Variants in KLHL21 observed in about 807,000 individuals in gnomAD.
KLHL21 encodes the protein kelch like family member 21.
Under a neutral mutation model 44.1 loss-of-function variants are expected in KLHL21, and 42 were observed. The ratio of observed to expected loss-of-function variants is 0.95; its 90% CI spans 0.74 to 1.23. The LOEUF (loss-of-function observed/expected upper bound fraction) is 1.23. KLHL21 is among the 50% of genes most tolerant of loss of function. KLHL21 has a pLI of 0.00. For synonymous variants in KLHL21, 524 were observed against 411.6 expected (o/e 1.27, Z -3.31); for missense variants, 918 against 889.1 (o/e 1.03, Z -0.41).
In KLHL21 at chr1:6,602,337, T is replaced by C. The variant is rs1473901054; in HGVS notation, c.481A>G (p.Ile161Val). The change falls in exon 1 of 4, where the codon ATT (isoleucine) becomes GTT (valine). Residue 161 changes from isoleucine to valine, a missense_variant. By Grantham distance (29) the Ile-to-Val change is conservative. Coordinates refer to ENST00000377658, the MANE Select transcript of KLHL21 (RefSeq NM_014851.4). ...SGLASAAQRF[I>V]LRHVGELGAE... ...CCCAGCTCGCCCACGTGGCGCAGAATGAACCGCTGCGCCGCGCTCGCCAGT... is the reference window on the plus strand; with the variant it reads ...CCCAGCTCGCCCACGTGGCGCAGAACGAACCGCTGCGCCGCGCTCGCCAGT... 5.1e-6 allele frequency: 8 copies of C among 1,558,282 alleles called. No homozygotes were observed. The highest frequency in any genetic ancestry group is 6.9e-6 in the Non-Finnish European group (8 of 1,157,692).
chr1:6,599,141 T>C lies in KLHL21; in HGVS notation c.1333A>G (p.Thr445Ala). 1 of 1,613,916 alleles carries C rather than the reference T, an allele frequency of 6.2e-7. No individual in the cohort carries two copies. Among genetic ancestry groups the C allele is most frequent in the Non-Finnish European group, 8.5e-7 (1 of 1,179,988 alleles). The change falls in exon 2 of 4, where the codon ACC becomes GCC. Residue 445 changes from threonine to alanine, a missense_variant. Coordinates refer to ENST00000377658, the MANE Select transcript of KLHL21 (RefSeq NM_014851.4). ...TMVMQCYDPD[T>A]DLWSLVDCGQ... ...CAGTCCACCAGCGACCACAGGTCGGTGTCCGGGTCGTAGCACTGCATCACC... is the reference window on the plus strand; with the variant it reads ...CAGTCCACCAGCGACCACAGGTCGGCGTCCGGGTCGTAGCACTGCATCACC...
chr1:6,598,658 C>G (rs1008477971), intron 2 of KLHL21, among the ~76,000 whole-genome samples: 7 of 151,894 alleles, frequency 4.6e-5, no homozygotes, highest in Admixed American at 3.3e-4. Context: ...CAAGGCGGAC[C>G]GATCATGAGG....
Position 6,602,793 on chromosome 1 carries a change from C to G in KLHL21, c.25G>C (p.Val9Leu), listed in dbSNP as rs1286555669. 6.8e-7 allele frequency: 1 copy of G among 1,466,976 alleles called. No individual in the cohort carries two copies. Among genetic ancestry groups the G allele is most frequent in the Non-Finnish European group, 8.9e-7 (1 of 1,119,418 alleles). 90.9% of individuals were successfully genotyped at this position (1,466,976 alleles called of 1,614,324 possible). A position where few individuals can be genotyped will look rare whatever the true frequency, so the allele number is the denominator to read the frequency against. Residue 9 changes from valine to leucine, a missense_variant, in exon 1 of 4, where the codon GTG becomes CTG. By Grantham distance (32) the Val-to-Leu change is conservative. Coordinates refer to ENST00000377658, the MANE Select transcript of KLHL21 (RefSeq NM_014851.4). MERPAPLA[V>L]LPFSDPAHAL... ...TGCGCGGGGTCCGAGAAGGGAAGCA[C>G]GGCCAGGGGCGCCGGTCGCTCCATG...
At position 6,593,924 on chromosome 1, in the gene KLHL21, G is replaced by C. The variant is rs571477551; in HGVS notation, c.1501-266C>G. The C allele has an allele frequency of 5.5e-6, 7 of 1,262,690 alleles. No homozygotes were observed. In the East Asian group the frequency reaches 1.8e-4, roughly 33 times the overall value. 78.2% of individuals were successfully genotyped at this position (1,262,690 alleles called of 1,614,324 possible). ...CCCCGTGTGCAGGTCGTGCCGAGCA[G>C]CGCTTCCTACGTTCTCTCTCAGAAT... is the stretch of plus-strand genomic sequence containing the variant. On this transcript the variant is annotated intron_variant, in intron 3 of 3. Transcript: ENST00000377658.
intron 1 of KLHL21, among the ~76,000 whole-genome samples, chr1:6,601,060 C>T (rs1393177057): frequency 6.6e-6 from 1 of 152,188 alleles, no homozygotes; most frequent in Non-Finnish European, 1.5e-5. Context: ...GGGTTCTTTC[C>T]TTATATAGCA....
intron 3 of KLHL21, chr1:6,594,212 AAC>A (rs1204242061): frequency 1.3e-5 from 5 of 371,718 alleles, no homozygotes; most frequent in African/African-American, 8.8e-5. Context: ...TGGAAATGTT[AAC>A]AGACACACAG....
At chr1:6,595,416 A>G (rs1640910174) in intron 3 of KLHL21, 69 bp downstream of exon 3, 1 of 1,414,662 alleles carries the variant, frequency 7.1e-7, no homozygotes, top group Non-Finnish European at 1.0e-6. Flanking sequence ...AACACTCATC[A>G]CGATGACACT....
Position 6,602,200 on chromosome 1 carries a change from G to A in KLHL21, c.618C>T (p.Val206=). 2.0e-6 allele frequency: 3 copies of A among 1,507,958 alleles called. No individual in the cohort carries two copies. Among genetic ancestry groups the A allele is most frequent in the Non-Finnish European group, 2.6e-6 (3 of 1,135,702 alleles). The allele number at this position is 1,507,958 out of a possible 1,614,324, so 93.4% of individuals were successfully genotyped here. A position where few individuals can be genotyped will look rare whatever the true frequency, so the allele number is the denominator to read the frequency against. The change falls in exon 1 of 4, where the codon GTC becomes GTT. Residue 206 remains valine, a synonymous_variant. Coordinates refer to ENST00000377658, the MANE Select transcript of KLHL21 (RefSeq NM_014851.4). ...CGGCGCGGCGCGGCGGGTCAGCGCG[G>A]ACCCAGCGCAGCGCCAGCTGGTAGG... ...EAAYQLALRW[V]RADPPRRAAH...
At chr1:6,593,832 C>T (rs1203847368) in intron 3 of KLHL21, 174 bp from the exon 4 acceptor site, 16 of 1,364,320 alleles carry the variant, frequency 1.2e-5, no homozygotes, top group East Asian at 7.8e-5. Context: ...CCTAGGAGAA[C>T]GGGCCTCCCC....
intron 2 of KLHL21, among the ~76,000 whole-genome samples, chr1:6,598,513 T>A (rs556705242): frequency 7.9e-5 from 12 of 150,992 alleles, no homozygotes; most frequent in Non-Finnish European, 1.6e-4. Flanking sequence ...GAGGTTGCAG[T>A]GAGCCAAGAT....
intron 2 of KLHL21, among the ~76,000 whole-genome samples, chr1:6,596,737 C>T (rs1640932867): frequency 6.6e-6 from 1 of 152,216 alleles, no homozygotes; most frequent in Non-Finnish European, 1.5e-5. Context: ...CCAGCAGAGA[C>T]TTGCAAACCA....
chr1:6,600,974 C>T (rs1280057200), intron 1 of KLHL21, among the ~76,000 whole-genome samples: 1 of 152,216 alleles, frequency 6.6e-6, no homozygotes. Context: ...CGCGAACATG[C>T]AAGGCTGGGC....
At position 6,593,402 on chromosome 1, in the gene KLHL21, C is replaced by A; in HGVS notation, c.1757G>T (p.Arg586Leu). ...DSGSDDMDPG[R>L]PRPPRDPDEL... Reference sequence around the variant, plus strand: ...ATCGGGGTCCCGCGGCGGCCGGGGTCGGCCTGGGTCCATGTCATCGCTGCC... The same window carrying A: ...ATCGGGGTCCCGCGGCGGCCGGGGTAGGCCTGGGTCCATGTCATCGCTGCC... Residue 586 changes from arginine (R) to leucine (L), a missense_variant, in exon 4 of 4, where the codon CGA (arginine) becomes CTA (leucine). By Grantham distance (102) the Arg-to-Leu change is moderately radical (BLOSUM62 -2). Transcript: ENST00000377658. 6.2e-7 allele frequency: 1 copy of A among 1,606,552 alleles called. No individual in the cohort carries two copies.
At position 6,602,632 on chromosome 1, in the gene KLHL21, G is replaced by T; in HGVS notation, c.186C>A (p.Arg62=). The T allele has an allele frequency of 6.6e-7, 1 of 1,518,476 alleles. No individual in the cohort carries two copies. The allele number at this position is 1,518,476 out of a possible 1,614,324, so 94.1% of individuals were successfully genotyped here. The change falls in exon 1 of 4, where the codon CGC becomes CGA. Residue 62 remains arginine (R), a synonymous_variant. Transcript: ENST00000377658. ...AVLAAASPYF[R]AMFAGQLRES... ...CGCGCAGCTGCCCCGCGAACATGGC[G>T]CGGAAGTAGGGGCTGGCGGCGGCCA... is the stretch of plus-strand genomic sequence containing the variant.
intron 3 of KLHL21, 52 bp from the exon 4 acceptor site, chr1:6,593,710 G>C (rs1170107746): frequency 6.6e-7 from 1 of 1,503,934 alleles, no homozygotes; most frequent in Non-Finnish European, 8.9e-7. Flanking sequence ...GGTAGGGCAG[G>C]GCCCCACCTG....
Position 6,592,567 on chromosome 1 carries a change from TG to T in KLHL21, c.*797del, listed in dbSNP as rs545648420. ...TGCCCAGGACTTCCTTTAGAAGCAG[TG>T]GGACTCCTCACGCGCAGGCCCAGCA... On this transcript the variant is annotated 3_prime_UTR_variant, in exon 4 of 4. Transcript: ENST00000377658. The T allele has an allele frequency of 5.1e-4, 77 of 152,342 alleles. No homozygotes were observed. The highest frequency in any genetic ancestry group is 1.8e-3 in the African/African-American group (74 of 41,564). The allele number at this position is 152,342 out of a possible 1,614,324, so 9.4% of individuals were successfully genotyped here. A position where few individuals can be genotyped will look rare whatever the true frequency, so the allele number is the denominator to read the frequency against.
At chr1:6,600,219 T>C (rs977685714) in intron 1 of KLHL21, among the ~76,000 whole-genome samples, 10 of 152,216 alleles carry the variant, frequency 6.6e-5, no homozygotes, top group Admixed American at 5.9e-4. Flanking sequence ...CTAATTTTTG[T>C]ATTTTTTGTA....
At chr1:6,595,969 A>G (rs1640922581) in intron 2 of KLHL21, among the ~76,000 whole-genome samples, 1 of 152,104 alleles carries the variant, frequency 6.6e-6, no homozygotes, top group African/African-American at 2.4e-5. Flanking sequence ...ACTGTCCCCA[A>G]TATCACTATG....
rs1347872710 is a variant in KLHL21 at position 6,595,507 on chromosome 1, T to A, written c.1478A>T (p.Asp493Val). Residue 493 changes from aspartate (D) to valine (V), a missense_variant, in exon 3 of 4, where the codon GAC (aspartate) becomes GTC (valine). Asp to Val is a radical substitution (Grantham distance 152, BLOSUM62 -3). Transcript: ENST00000377658. Reference sequence around the variant, plus strand: ...TACCTGATTCATGGACGGGATCTTGTCCCATTCGTTCCTCGTCGGGTTGTA... The same window carrying A: ...TACCTGATTCATGGACGGGATCTTGACCCATTCGTTCCTCGTCGGGTTGTA... Reference protein sequence around the residue: ...DVYNPTRNEWDKIPSMNQVHV... With the variant: ...DVYNPTRNEWVKIPSMNQVHV... 1 of 1,614,164 alleles carries A rather than the reference T, an allele frequency of 6.2e-7. No individual in the cohort carries two copies. The highest frequency in any genetic ancestry group is 2.2e-5 in the East Asian group (1 of 44,880).
Sources: allele counts gnomAD v4.1 joint callset (sites outside exome capture counted in the v4.1 genomes callset), GRCh38; gene constraint gnomAD v4.1.1; transcripts MANE v1.5; gene names NCBI Gene and HGNC (gene_info 2026-07-23, HGNC 2026-07-21).